SDK2: variants seen among roughly 807,000 people sequenced by gnomAD.
SDK2 encodes the protein protein sidekick-2.
In SDK2, 105 loss-of-function variants were observed where a neutral mutation model predicts 253.9. The observed-to-expected ratio is 0.41, with a 90% confidence interval of 0.35 to 0.49. The LOEUF (loss-of-function observed/expected upper bound fraction) is 0.49. SDK2 is among the 20% of genes least tolerant of loss of function. The pLI, the probability that SDK2 is intolerant of heterozygous loss-of-function variation, is 0.06. For missense variants in SDK2, 2,608 were observed against 3,003.0 expected, an observed-to-expected ratio of 0.87 and a Z score of 3.07; for synonymous variants, 1,249 against 1,234.9, an observed-to-expected ratio of 1.01 and a Z score of -0.24.
intron 9 of SDK2, among the ~76,000 whole-genome samples, chr17:73,434,926 G>A (rs576620161): frequency 1.3e-5 from 2 of 151,446 alleles, no homozygotes; most frequent in Middle Eastern, 3.4e-3. Flanking sequence ...CACTGTGCCC[G>A]GCCCACAGTT....
At chr17:73,526,472 G>A (rs748958672) in intron 1 of SDK2, among the ~76,000 whole-genome samples, 53 of 152,290 alleles carry the variant, frequency 3.5e-4, no homozygotes, top group Non-Finnish European at 6.0e-4. Context: ...AAATGCAGAC[G>A]TATCTCTCAG....
intron 2 of SDK2, among the ~76,000 whole-genome samples, chr17:73,488,069 G>A (rs1252843236): frequency 2.6e-5 from 4 of 152,108 alleles, no homozygotes; most frequent in Non-Finnish European, 5.9e-5. Flanking sequence ...AGGCTGGAGT[G>A]CAGTGGCGCG....
At chr17:73,504,235 AAAGTGTGTGT>A (rs1276375728) in intron 2 of SDK2, 1 of 81,488 alleles carries the variant, frequency 1.2e-5, no homozygotes, top group Non-Finnish European at 2.6e-5. Context: ...AGAGAGAGAG[AAAGTGTGTGT>A]GTGTGTGTGT....
chr17:73,494,006 G>A (rs376511050), intron 2 of SDK2, among the ~76,000 whole-genome samples: 24 of 152,366 alleles, frequency 1.6e-4, no homozygotes, highest in African/African-American at 5.3e-4. Flanking sequence ...AGAGAGGTGA[G>A]GACAGAACAT....
chr17:73,537,497 G>C (rs1343810980), intron 1 of SDK2, among the ~76,000 whole-genome samples: 1 of 151,970 alleles, frequency 6.6e-6, no homozygotes, highest in Admixed American at 6.6e-5. Flanking sequence ...TCCTTTCATC[G>C]GGCTCCAGAG....
At position 73,465,197 on chromosome 17, in the gene SDK2, C is replaced by T. The variant is rs1430269677; in HGVS notation, c.331+6915G>A. On this transcript the variant is annotated intron_variant, in intron 3 of 44. Transcript: ENST00000392650. The surrounding 1 kb of genome is among the most constrained non-coding windows in gnomAD (Gnocchi z 4.2). ...GGATTACTCCTAACCCACATGACAGCGGGCTTGTTCCCCTCCAATTGTCTT... is the reference window on the plus strand; with the variant it reads ...GGATTACTCCTAACCCACATGACAGTGGGCTTGTTCCCCTCCAATTGTCTT... 1.3e-5 allele frequency among the ~76,000 whole-genome samples: 2 copies of T among 151,760 alleles called. No individual in the cohort carries two copies. The highest frequency in any genetic ancestry group is 2.9e-5 in the Non-Finnish European group (2 of 67,994).
chr17:73,423,331 A>T, intron 14 of SDK2, 55 bp downstream of exon 14: 14 of 1,325,870 alleles, frequency 1.1e-5, no homozygotes, highest in Non-Finnish European at 1.4e-5. Flanking sequence ...CCCAGGGCTG[A>T]CTCCTAAGTC....
At chr17:73,556,076 G>C (rs1377138796) in intron 1 of SDK2, among the ~76,000 whole-genome samples, 1 of 152,178 alleles carries the variant, frequency 6.6e-6, no homozygotes, top group African/African-American at 2.4e-5. Flanking sequence ...GGGGTGGACA[G>C]TTGGCAAAGT....
intron 2 of SDK2, among the ~76,000 whole-genome samples, chr17:73,500,850 C>T (rs918980241): frequency 6.7e-6 from 1 of 149,386 alleles, no homozygotes; most frequent in African/African-American, 2.5e-5. Flanking sequence ...TCTATCCTCC[C>T]TCCATTCTCC....
rs760122266 is a variant in SDK2 at position 73,368,554 on chromosome 17, G to T, written c.5020C>A (p.Arg1674=). The change falls in exon 37 of 45, where the codon CGA becomes AGA. Residue 1674 remains arginine, a synonymous_variant. Coordinates refer to ENST00000392650, the MANE Select transcript of SDK2 (RefSeq NM_001144952.2). ...WEAQRGNLTE[R]VKTLFLAENS... Reference sequence around the variant, plus strand: ...TCAGCCAGGAAAAGCGTCTTCACTCGCTCTGTGAGGTTCCCCCGCTGGGCT... The same window carrying T: ...TCAGCCAGGAAAAGCGTCTTCACTCTCTCTGTGAGGTTCCCCCGCTGGGCT... The T allele has an allele frequency of 1.2e-6, 2 of 1,603,792 alleles. No individual in the cohort carries two copies. Among genetic ancestry groups the T allele is most frequent in the South Asian group, 2.3e-5 (2 of 88,774 alleles).
chr17:73,551,344 T>A (rs1156871901), intron 1 of SDK2, among the ~76,000 whole-genome samples: 1 of 152,104 alleles, frequency 6.6e-6, no homozygotes, highest in Non-Finnish European at 1.5e-5. Flanking sequence ...AGGAGCTTAA[T>A]CTCCCAGACA....
intron 1 of SDK2, among the ~76,000 whole-genome samples, chr17:73,594,605 C>T (rs2045727555): frequency 6.6e-6 from 1 of 152,024 alleles, no homozygotes; most frequent in Non-Finnish European, 1.5e-5. Context: ...AACACACACA[C>T]ACACAACACA....
chr17:73,537,181 C>T (rs77314806), intron 1 of SDK2, among the ~76,000 whole-genome samples: 3,921 of 152,296 alleles, frequency 0.026, 172 homozygotes, highest in African/African-American at 0.088. Context: ...ATATTAATCC[C>T]TTTCTATGCA....
rs188476814 is a variant in SDK2 at position 73,341,876 on chromosome 17, T to C, written c.6166-2936A>G. On this transcript the variant is annotated intron_variant, in intron 44 of 44. Transcript: ENST00000392650. ...ACTGTATTTAGTTTTCACACCTCTGTGCGGCAGCTCCTATTGCTACCTGAG... is the reference window on the plus strand; with the variant it reads ...ACTGTATTTAGTTTTCACACCTCTGCGCGGCAGCTCCTATTGCTACCTGAG... 3.1e-3 allele frequency among the ~76,000 whole-genome samples: 475 copies of C among 152,268 alleles called. 4 individuals carry two copies. The highest frequency in any genetic ancestry group is 0.011 in the African/African-American group (450 of 41,544).
intron 1 of SDK2, among the ~76,000 whole-genome samples, chr17:73,624,535 A>G (rs76090960): frequency 6.6e-6 from 1 of 152,156 alleles, no homozygotes; most frequent in East Asian, 1.9e-4. Flanking sequence ...AAGAGTAGAG[A>G]CCCTCCTAAA....
intron 1 of SDK2, among the ~76,000 whole-genome samples, chr17:73,627,845 C>T (rs934994988): frequency 1.3e-5 from 2 of 152,082 alleles, no homozygotes; most frequent in Admixed American, 1.3e-4. Flanking sequence ...ATCAGGAGTT[C>T]GAGACCATCC....
chr17:73,483,302 C>T (rs1333572161), intron 2 of SDK2, among the ~76,000 whole-genome samples: 1 of 144,590 alleles, frequency 6.9e-6, no homozygotes, highest in African/African-American at 2.5e-5. Flanking sequence ...CGACACAAGA[C>T]AGAACTTTTT....
chr17:73,365,376 C>G lies in SDK2; in HGVS notation c.5187G>C (p.Ser1729=). 2 of 1,610,316 alleles carry G rather than the reference C, an allele frequency of 1.2e-6. No homozygotes were observed. The highest frequency in any genetic ancestry group is 1.7e-5 in the Admixed American group (1 of 59,250). Residue 1729 remains serine (S), a synonymous_variant, in exon 38 of 45, where the codon TCG becomes TCC. Coordinates refer to ENST00000392650, the MANE Select transcript of SDK2 (RefSeq NM_001144952.2). ...TQQAAPSAPS[S]VKFSELTTTS... ...TTGTGGTCAGCTCACTGAACTTGAC[C>G]GAGCTGGGAGCGCTGGGGGCTGCGG...
At chr17:73,418,809 T>TC (rs1243078908) in intron 16 of SDK2, among the ~76,000 whole-genome samples, 1 of 152,134 alleles carries the variant, frequency 6.6e-6, no homozygotes, top group African/African-American at 2.4e-5. Context: ...GTTTCTCCAC[T>TC]CACGGGTCAA....
Sources: gnomAD v4.1 joint callset for allele counts (sites outside exome capture counted in the v4.1 genomes callset) on GRCh38, gnomAD v4.1.1 for gene constraint, Gnocchi (gnomAD v3.1) non-coding constraint, MANE v1.5 for transcripts, NCBI Gene and HGNC (gene_info 2026-07-23, HGNC 2026-07-21) for gene names.